The following HYDIN variants were observed in gnomAD, a reference collection of about 807,000 sequenced individuals.
HYDIN encodes axonemal central pair apparatus protein HYDIN.
In HYDIN, 132 loss-of-function variants were observed where a neutral mutation model predicts 403.9. The ratio of observed to expected loss-of-function variants is 0.33; its 90% CI spans 0.28 to 0.38. The LOEUF (loss-of-function observed/expected upper bound fraction) is 0.38, where lower values mean the gene tolerates loss of function less well. Ranked by LOEUF, HYDIN falls within the 10% of genes least tolerant of loss-of-function variation. The pLI is 1.00. For synonymous variants in HYDIN, 1,202 were observed against 1,891.7 expected (o/e 0.64, Z 9.46); for missense variants, 2,827 against 5,009.5 (o/e 0.56, Z 13.15).
At chr16:71,054,957 T>C (rs1243743947) in intron 18 of HYDIN, among the ~76,000 whole-genome samples, 2 of 152,394 alleles carry the variant, frequency 1.3e-5, no homozygotes, top group Middle Eastern at 3.4e-3. Flanking sequence ...GGAGATAATT[T>C]ATATATGTAC....
chr16:71,115,843 A>G, intron 9 of HYDIN, 48 bp from the exon 10 acceptor site: 1 of 783,230 alleles, frequency 1.3e-6, no homozygotes, highest in South Asian at 1.6e-5. Context: ...CAAAAGAAAG[A>G]CACTGCTTGT....
rs1341812906 is a variant in HYDIN, at chr16:70,942,592, T to TTA, written c.6670-774_6670-773insTA. ...CAGCCTCTGCCTTACTCAGTGTTAC[T>TTA]CAAAGTGTAGCCCATAGACTGGCCA... is the stretch of plus-strand genomic sequence containing the variant. On this transcript the variant is annotated intron_variant, in intron 42 of 85. Coordinates refer to ENST00000393567, the MANE Select transcript of HYDIN (RefSeq NM_001270974.2). Among the ~76,000 whole-genome samples the TTA allele has an allele frequency of 2.6e-5, 4 of 152,400 alleles. No individual in the cohort carries two copies. In the East Asian group the frequency reaches 7.7e-4, roughly 29 times the overall value.
chr16:70,825,145 C>G (rs976244050), intron 83 of HYDIN, among the ~76,000 whole-genome samples: 5 of 152,218 alleles, frequency 3.3e-5, no homozygotes, highest in Admixed American at 6.5e-5. Flanking sequence ...GATTGACAAT[C>G]ATTCTCACTC....
intron 47 of HYDIN, among the ~76,000 whole-genome samples, chr16:70,917,939 C>T (rs1368404345): frequency 3.3e-5 from 5 of 152,066 alleles, no homozygotes; most frequent in Non-Finnish European, 5.9e-5. Flanking sequence ...GTTCCCTAAA[C>T]CCTCCAATGG....
intron 10 of HYDIN, 125 bp from the exon 11 acceptor site, chr16:71,094,060 G>A (rs961598520): frequency 2.3e-5 from 15 of 658,942 alleles, no homozygotes; most frequent in Admixed American, 3.3e-5. Flanking sequence ...TTGCACCGAG[G>A]GAACTGCAAT....
chr16:70,837,801 T>C lies in HYDIN; in HGVS notation c.13131A>G (p.Pro4377=), dbSNP rs763971151. The change falls in exon 77 of 86, where the codon CCA becomes CCG. Residue 4377 remains proline, a synonymous_variant. Coordinates refer to ENST00000393567, the MANE Select transcript of HYDIN (RefSeq NM_001270974.2). The stretch of plus-strand genomic sequence containing the variant: ...TACTTTCTCGAGGATAAAAAGTTAT[T>C]GGAATCTCCAATGTGTTTCCTGGCT... ...VVKPGNTLEI[P]ITFYPRESIN... 10 of 1,613,872 alleles carry C rather than the reference T, an allele frequency of 6.2e-6. No individual in the cohort carries two copies. The South Asian group carries it at 1.1e-4, about 18-fold the overall frequency.
In HYDIN at chr16:70,866,280, T is replaced by TA. The variant is rs1441361091; in HGVS notation, c.11359dup (p.Tyr3787LeufsTer27). The stretch of plus-strand genomic sequence containing the variant: ...ACTGATTTGAAGCTGCAGTTCTTGG[T>TA]AGTTTTCTTCTAGTACTGAGTGAGC... On this transcript the variant is annotated frameshift_variant, in exon 67 of 86. Coordinates refer to ENST00000393567, the MANE Select transcript of HYDIN (RefSeq NM_001270974.2). LOFTEE classifies it high-confidence loss of function. 1 of 1,321,512 alleles carries TA rather than the reference T, an allele frequency of 7.6e-7. No individual in the cohort carries two copies. Among genetic ancestry groups the TA allele is most frequent in the Non-Finnish European group, 1.1e-6 (1 of 917,668 alleles). 81.9% of individuals were successfully genotyped at this position (1,321,512 alleles called of 1,614,324 possible). A position where few individuals can be genotyped will look rare whatever the true frequency, so the allele number is the denominator to read the frequency against.
intron 83 of HYDIN, among the ~76,000 whole-genome samples, chr16:70,826,598 A>T (rs1225090725): frequency 3.3e-5 from 5 of 151,146 alleles, no homozygotes; most frequent in Admixed American, 6.6e-5. Context: ...AGGTTCTCTT[A>T]AAATCTTGTC....
intron 21 of HYDIN, among the ~76,000 whole-genome samples, chr16:71,020,999 AAGTT>A (rs759802439): frequency 7.9e-5 from 12 of 151,332 alleles, no homozygotes; most frequent in Non-Finnish European, 1.6e-4. Context: ...AAAGTCTAAA[AAGTT>A]AGTTATATCT....
intron 13 of HYDIN, among the ~76,000 whole-genome samples, chr16:71,071,086 T>C (rs2082454616): frequency 6.7e-6 from 1 of 148,856 alleles, no homozygotes; most frequent in Admixed American, 6.7e-5. Flanking sequence ...CTGGAAACTG[T>C]AGATGGCTTA....
At chr16:71,024,998 T>C (rs1215563685) in intron 21 of HYDIN, among the ~76,000 whole-genome samples, 3 of 152,240 alleles carry the variant, frequency 2.0e-5, no homozygotes, top group Non-Finnish European at 4.4e-5. Flanking sequence ...TAGCAAGTAC[T>C]AATCAATCAG....
intron 18 of HYDIN, among the ~76,000 whole-genome samples, chr16:71,037,596 TC>T (rs1370936546): frequency 1.3e-5 from 2 of 151,182 alleles, no homozygotes; most frequent in Non-Finnish European, 3.0e-5. Flanking sequence ...ACTATACTCT[TC>T]CTGGTGAAAA....
At chr16:70,964,183 C>T (rs1378839785) in intron 37 of HYDIN, among the ~76,000 whole-genome samples, 1 of 147,872 alleles carries the variant, frequency 6.8e-6, no homozygotes, top group Non-Finnish European at 1.5e-5. Flanking sequence ...CAGGACAGCT[C>T]TGCGATTGGA....
At chr16:71,046,703 C>G (rs1315067446) in intron 18 of HYDIN, among the ~76,000 whole-genome samples, 7 of 152,208 alleles carry the variant, frequency 4.6e-5, no homozygotes, top group Non-Finnish European at 8.8e-5. Flanking sequence ...ATCATATAAT[C>G]TAGATGGATG....
chr16:71,012,340 G>A (rs1250601622), intron 23 of HYDIN, among the ~76,000 whole-genome samples: 1 of 152,232 alleles, frequency 6.6e-6, no homozygotes, highest in African/African-American at 2.4e-5. Flanking sequence ...GAGGGGGAGA[G>A]ACCACCATCC....
intron 5 of HYDIN, among the ~76,000 whole-genome samples, chr16:71,172,905 C>T (rs2086524422): frequency 6.6e-6 from 1 of 152,270 alleles, no homozygotes; most frequent in Middle Eastern, 3.4e-3. Flanking sequence ...TTTTATTTTT[C>T]CTAAAATAAA....
At chr16:70,898,168 C>T (rs1213869940) in intron 53 of HYDIN, among the ~76,000 whole-genome samples, 1 of 152,144 alleles carries the variant, frequency 6.6e-6, no homozygotes, top group Non-Finnish European at 1.5e-5. Flanking sequence ...GACCCTGTGT[C>T]AAGAAAAATA....
At chr16:70,865,107 C>G in intron 67 of HYDIN, 1 of 231,312 alleles carries the variant, frequency 4.3e-6, no homozygotes, top group South Asian at 5.7e-5. Context: ...GTAGAAATGT[C>G]AGTGGCTTAC....
chr16:71,067,459 T>A (rs1597697979), intron 14 of HYDIN, 69 bp from the exon 15 acceptor site: 2 of 865,822 alleles, frequency 2.3e-6, no homozygotes, highest in Non-Finnish European at 3.8e-6. Flanking sequence ...GAGGGGAGCC[T>A]CCGGAGGACT....
Sources: allele counts gnomAD v4.1 joint callset (sites outside exome capture counted in the v4.1 genomes callset), GRCh38; gene constraint gnomAD v4.1.1; transcripts MANE v1.5; gene names NCBI Gene and HGNC (gene_info 2026-07-23, HGNC 2026-07-21).